NME7: variants seen among roughly 807,000 people sequenced by gnomAD.
NME7 encodes the protein NME/NM23 family member 7.
Under a neutral mutation model 49.1 loss-of-function variants are expected in NME7, and 41 were observed. That is an observed-to-expected ratio of 0.83 (90% confidence interval 0.65 to 1.08). The LOEUF is 1.08. Ranked by LOEUF, NME7 falls within the 50% of genes least tolerant of loss-of-function variation. The probability of loss-of-function intolerance (pLI) is 0.00; values close to 1 mark genes in which losing one functional copy is unlikely to be tolerated. For synonymous variants in NME7, 139 were observed against 150.6 expected, an observed-to-expected ratio of 0.92 and a Z score of 0.56; for missense variants, 423 against 463.4, an observed-to-expected ratio of 0.91 and a Z score of 0.80.
chr1:169,168,446 A>T (rs1249584002), intron 11 of NME7, among the ~76,000 whole-genome samples: 73 of 152,084 alleles, frequency 4.8e-4, no homozygotes, highest in Non-Finnish European at 7.4e-5. Context: ...TTGGAGGCAA[A>T]GTCTCGCTAT....
intron 11 of NME7, among the ~76,000 whole-genome samples, chr1:169,147,416 A>G (rs1009832326): frequency 2.0e-5 from 3 of 152,160 alleles, no homozygotes; most frequent in African/African-American, 7.2e-5. Flanking sequence ...CTGGACCCAG[A>G]TTGCCTGGGT....
chr1:169,227,696 C>T (rs189176208), intron 10 of NME7, among the ~76,000 whole-genome samples: 102 of 152,200 alleles, frequency 6.7e-4, no homozygotes, highest in Non-Finnish European at 1.3e-3. Flanking sequence ...ATGTGGGCCT[C>T]ACCATGATGA....
chr1:169,177,998 A>G (rs1830494), intron 10 of NME7, among the ~76,000 whole-genome samples: 56,032 of 151,336 alleles, frequency 0.37, 10,953 homozygotes, highest in East Asian at 0.73. Context: ...CACCACACCC[A>G]GCTAATTTTT....
intron 11 of NME7, among the ~76,000 whole-genome samples, chr1:169,164,344 G>GA (rs1035121354): frequency 9.9e-5 from 15 of 152,050 alleles, no homozygotes; most frequent in Non-Finnish European, 2.2e-4. Context: ...TGCCAGGCAA[G>GA]AAAAAATCTC....
At chr1:169,166,299 G>T (rs1659410925) in intron 11 of NME7, among the ~76,000 whole-genome samples, 1 of 151,836 alleles carries the variant, frequency 6.6e-6, no homozygotes, top group Non-Finnish European at 1.5e-5. Context: ...AATCTTTTTG[G>T]TTATTAAAAA....
chr1:169,319,906 T>A (rs1042268825), intron 3 of NME7, among the ~76,000 whole-genome samples: 1 of 152,184 alleles, frequency 6.6e-6, no homozygotes, highest in African/African-American at 2.4e-5. Context: ...TTAAAATTAA[T>A]GGATTTTTAA....
chr1:169,207,664 T>G (rs987882642), intron 10 of NME7, among the ~76,000 whole-genome samples: 4 of 152,128 alleles, frequency 2.6e-5, no homozygotes, highest in South Asian at 2.1e-4. Context: ...AATGCAAGTA[T>G]TTATGAGTTT....
intron 11 of NME7, among the ~76,000 whole-genome samples, chr1:169,163,580 A>G (rs1397823368): frequency 6.6e-6 from 1 of 152,222 alleles, no homozygotes; most frequent in Middle Eastern, 3.4e-3. Context: ...TATTGAGACA[A>G]TTGGTGAAAT....
At position 169,297,400 on chromosome 1, in the gene NME7, T is replaced by A. The variant is rs531585497; in HGVS notation, c.648+1156A>T. On this transcript the variant is annotated intron_variant, in intron 6 of 11. Coordinates refer to ENST00000367811, the MANE Select transcript of NME7 (RefSeq NM_013330.5). ...TCAGAGAAAAATCTAAAAGTACTAC[T>A]ACGGCCTATAAGACCATATAATCTT... Among the ~76,000 whole-genome samples the A allele has an allele frequency of 2.0e-5, 3 of 152,346 alleles. No individual in the cohort carries two copies. The South Asian group carries it at 6.2e-4, about 32-fold the overall frequency.
intron 7 of NME7, chr1:169,247,076 G>A (rs955212724): frequency 2.2e-6 from 1 of 456,060 alleles, no homozygotes; most frequent in African/African-American, 2.0e-5. Context: ...AAGAAAGACA[G>A]GCTCAGCATG....
chr1:169,271,026 CTTTT>C (rs1185721269), intron 7 of NME7, among the ~76,000 whole-genome samples: 1 of 133,090 alleles, frequency 7.5e-6, no homozygotes, highest in African/African-American at 2.5e-5. Flanking sequence ...TTTTTCTTTC[CTTTT>C]AAAACCTGAG....
intron 10 of NME7, among the ~76,000 whole-genome samples, chr1:169,174,054 G>C (rs977164595): frequency 6.6e-6 from 1 of 152,132 alleles, no homozygotes; most frequent in Non-Finnish European, 1.5e-5. Flanking sequence ...GTCCCATCAA[G>C]TCAAATTCTT....
chr1:169,155,444 A>T (rs1487247108), intron 11 of NME7, among the ~76,000 whole-genome samples: 1 of 152,254 alleles, frequency 6.6e-6, no homozygotes, highest in Admixed American at 6.5e-5. Flanking sequence ...AAAAGCAGAC[A>T]AACTATTAGT....
rs1158472002 is a variant in NME7, at chr1:169,276,481, G to A, written c.754+10822C>T. Among the ~76,000 whole-genome samples, 10 of 133,706 alleles carry A rather than the reference G, an allele frequency of 7.5e-5. 1 individual carries two copies. The highest frequency in any genetic ancestry group is 2.5e-4 in the African/African-American group (10 of 39,536). The allele number at this position is 133,706 out of a possible 152,430, so 87.7% of individuals were successfully genotyped here. A position where few individuals can be genotyped will look rare whatever the true frequency, so the allele number is the denominator to read the frequency against. On this transcript the variant is annotated intron_variant, in intron 7 of 11. Transcript: ENST00000367811. The stretch of plus-strand genomic sequence containing the variant: ...TTTTCTAGTTTATTTGCGTAGAGGT[G>A]TTTGTAGTATTCTCTGATGGTAGTT...
At chr1:169,294,680 G>C (rs893674221) in intron 6 of NME7, among the ~76,000 whole-genome samples, 4 of 152,012 alleles carry the variant, frequency 2.6e-5, no homozygotes, top group Non-Finnish European at 5.9e-5. Flanking sequence ...CTCTTCCCCA[G>C]ACAAGGGTAA....
chr1:169,225,818 C>T (rs1647312450), intron 10 of NME7, among the ~76,000 whole-genome samples: 1 of 152,012 alleles, frequency 6.6e-6, no homozygotes. Flanking sequence ...GAAGAATATG[C>T]CAAAAGCACA....
chr1:169,355,953 A>T (rs1653455911), intron 1 of NME7, among the ~76,000 whole-genome samples: 1 of 152,166 alleles, frequency 6.6e-6, no homozygotes, highest in South Asian at 2.1e-4. Flanking sequence ...GCTCTCTCTC[A>T]GAATAAAAGA....
intron 10 of NME7, among the ~76,000 whole-genome samples, chr1:169,185,261 C>T (rs2101754131): frequency 6.6e-6 from 1 of 152,298 alleles, no homozygotes; most frequent in Middle Eastern, 3.4e-3. Flanking sequence ...ACTTTTTCAT[C>T]TTGCTTGAGC....
chr1:169,176,741 T>C (rs969180758), intron 10 of NME7, among the ~76,000 whole-genome samples: 9 of 152,092 alleles, frequency 5.9e-5, no homozygotes, highest in Non-Finnish European at 1.2e-4. Context: ...GGTTCTTTTT[T>C]AAAAGAATTG....
Sources: allele counts gnomAD v4.1 joint callset (sites outside exome capture counted in the v4.1 genomes callset), GRCh38; gene constraint gnomAD v4.1.1; transcripts MANE v1.5; gene names NCBI Gene and HGNC (gene_info 2026-07-23, HGNC 2026-07-21).